Variants in HS6ST3 observed in about 807,000 individuals in gnomAD.
The protein encoded by HS6ST3 is heparan-sulfate 6-O-sulfotransferase 3.
Under a neutral mutation model 36.7 loss-of-function variants are expected in HS6ST3, and 12 were observed. The ratio of observed to expected loss-of-function variants is 0.33; its 90% CI spans 0.21 to 0.53. HS6ST3 has a LOEUF of 0.53. Among genes scored for constraint, HS6ST3 ranks in the 20% least tolerant of loss-of-function variants. The probability of loss-of-function intolerance (pLI) is 0.95; values close to 1 mark genes in which losing one functional copy is unlikely to be tolerated. For missense variants in HS6ST3, 584 were observed against 640.9 expected, an observed-to-expected ratio of 0.91 and a Z score of 0.96; for synonymous variants, 240 against 257.5, an observed-to-expected ratio of 0.93 and a Z score of 0.65.
chr13:96,658,276 T>C lies in HS6ST3; in HGVS notation c.708-174214T>C, dbSNP rs1410051063. 7.5e-4 allele frequency among the ~76,000 whole-genome samples: 19 copies of C among 25,320 alleles called. 1 individual carries two copies. The highest frequency in any genetic ancestry group is 3.6e-3 in the East Asian group (5 of 1,386). The allele number at this position is 25,320 out of a possible 152,430, so 16.6% of individuals were successfully genotyped here. On this transcript the variant is annotated intron_variant, in intron 1 of 1. Coordinates refer to ENST00000376705, the MANE Select transcript of HS6ST3 (RefSeq NM_153456.4). ...CTTCTTCTCTTCTTCTTCTTTTTTTTTTTTTTTTTTTTTTTTTTTTTTGAG... is the reference window on the plus strand; with the variant it reads ...CTTCTTCTCTTCTTCTTCTTTTTTTCTTTTTTTTTTTTTTTTTTTTTTGAG...
rs181622212 is a variant in HS6ST3, at chr13:96,252,126, A to G, written c.707+160557A>G. 2.8e-4 allele frequency among the ~76,000 whole-genome samples: 43 copies of G among 152,298 alleles called. No homozygotes were observed. In the East Asian group the frequency reaches 7.3e-3, roughly 26 times the overall value. Reference sequence around the variant, plus strand: ...TAATTTTGTGTCTGGAAAGTGGACTATTGAGGTCTCCTACTATGATTGTAT... The same window carrying G: ...TAATTTTGTGTCTGGAAAGTGGACTGTTGAGGTCTCCTACTATGATTGTAT... On this transcript the variant is annotated intron_variant, in intron 1 of 1. Coordinates refer to ENST00000376705, the MANE Select transcript of HS6ST3 (RefSeq NM_153456.4).
intron 1 of HS6ST3, among the ~76,000 whole-genome samples, chr13:96,647,425 G>A (rs553699559): frequency 6.6e-6 from 1 of 152,084 alleles, no homozygotes; most frequent in East Asian, 1.9e-4. Flanking sequence ...AAAGCAAATT[G>A]TCTAGATGCA....
At chr13:96,687,842 A>G (rs1258330761) in intron 1 of HS6ST3, among the ~76,000 whole-genome samples, 1 of 152,040 alleles carries the variant, frequency 6.6e-6, no homozygotes, top group Non-Finnish European at 1.5e-5. Context: ...CTCACTAAAC[A>G]CTGGCTAAAA....
chr13:96,373,155 C>T (rs2055298206), intron 1 of HS6ST3, among the ~76,000 whole-genome samples: 2 of 152,148 alleles, frequency 1.3e-5, no homozygotes, highest in Admixed American at 6.5e-5. Context: ...TATAAGGACA[C>T]TTGTCATGGG....
chr13:96,501,992 A>T (rs1454476725), intron 1 of HS6ST3, among the ~76,000 whole-genome samples: 1 of 152,198 alleles, frequency 6.6e-6, no homozygotes, highest in African/African-American at 2.4e-5. Flanking sequence ...CTCTCTTTAG[A>T]CCTATAGCCA....
intron 1 of HS6ST3, among the ~76,000 whole-genome samples, chr13:96,533,179 G>A (rs906431540): frequency 2.0e-5 from 3 of 152,182 alleles, no homozygotes; most frequent in East Asian, 1.9e-4. Context: ...TGGGAGCCAA[G>A]CGAAGAGAAA....
chr13:96,726,471 T>C (rs1876008941), intron 1 of HS6ST3, among the ~76,000 whole-genome samples: 1 of 152,226 alleles, frequency 6.6e-6, no homozygotes, highest in African/African-American at 2.4e-5. Flanking sequence ...ATTTTTGATA[T>C]TGTAAATTAG....
intron 1 of HS6ST3, among the ~76,000 whole-genome samples, chr13:96,233,877 G>T (rs961457336): frequency 6.6e-6 from 1 of 152,108 alleles, no homozygotes; most frequent in African/African-American, 2.4e-5. Context: ...GGGATTTAGT[G>T]TTAAGGATCA....
chr13:96,627,398 AT>A (rs1385624927), intron 1 of HS6ST3, among the ~76,000 whole-genome samples: 7 of 152,102 alleles, frequency 4.6e-5, no homozygotes, highest in Middle Eastern at 3.4e-3. Context: ...CGTCTTTTTA[AT>A]ACCATGATAG....
At chr13:96,705,471 C>T (rs1330944521) in intron 1 of HS6ST3, among the ~76,000 whole-genome samples, 1 of 152,114 alleles carries the variant, frequency 6.6e-6, no homozygotes, top group Admixed American at 6.5e-5. Context: ...CCTGGGAGCA[C>T]TGGAAATCAG....
intron 1 of HS6ST3, among the ~76,000 whole-genome samples, chr13:96,756,409 A>G (rs189517454): frequency 6.6e-6 from 1 of 152,286 alleles, no homozygotes; most frequent in Admixed American, 6.5e-5. Flanking sequence ...TCTCTTGAAT[A>G]TGATCTAAGA....
At chr13:96,830,320 C>T (rs1167119901) in intron 1 of HS6ST3, among the ~76,000 whole-genome samples, 1 of 152,116 alleles carries the variant, frequency 6.6e-6, no homozygotes, top group East Asian at 1.9e-4. Flanking sequence ...TAGTCAGGCA[C>T]ACCACCATTT....
intron 1 of HS6ST3, among the ~76,000 whole-genome samples, chr13:96,370,795 G>C (rs910000315): frequency 4.6e-5 from 7 of 152,168 alleles, no homozygotes; most frequent in African/African-American, 1.7e-4. Context: ...TACTCGGGAG[G>C]CTGGGGCAGG....
intron 1 of HS6ST3, among the ~76,000 whole-genome samples, chr13:96,485,409 C>G (rs918672371): frequency 6.6e-6 from 1 of 152,008 alleles, no homozygotes; most frequent in African/African-American, 2.4e-5. Flanking sequence ...GTTAGGGAAG[C>G]AACTGACTAT....
chr13:96,096,967 A>G (rs2053794224), intron 1 of HS6ST3, among the ~76,000 whole-genome samples: 1 of 152,192 alleles, frequency 6.6e-6, no homozygotes, highest in Non-Finnish European at 1.5e-5. Flanking sequence ...AACTAAAGAG[A>G]TATGAGATTG....
intron 1 of HS6ST3, among the ~76,000 whole-genome samples, chr13:96,425,787 C>A (rs571848650): frequency 6.6e-5 from 10 of 152,056 alleles, no homozygotes; most frequent in African/African-American, 2.2e-4. Flanking sequence ...AGGCCAATTA[C>A]CAGAATGATT....
intron 1 of HS6ST3, among the ~76,000 whole-genome samples, chr13:96,565,316 G>A (rs1056943508): frequency 2.0e-5 from 3 of 152,028 alleles, no homozygotes; most frequent in Non-Finnish European, 4.4e-5. Context: ...GGATACTAAT[G>A]AGGAGTGATC....
At chr13:96,365,964 A>G (rs937756530) in intron 1 of HS6ST3, among the ~76,000 whole-genome samples, 1 of 152,188 alleles carries the variant, frequency 6.6e-6, no homozygotes, top group Non-Finnish European at 1.5e-5. Flanking sequence ...TTGTTGTCAT[A>G]TTAAATGACA....
At chr13:96,572,711 C>T (rs2056305227) in intron 1 of HS6ST3, among the ~76,000 whole-genome samples, 1 of 151,632 alleles carries the variant, frequency 6.6e-6, no homozygotes, top group African/African-American at 2.4e-5. Context: ...ATGCTTGAAA[C>T]AACTTTTAAC....
Sources: gnomAD v4.1 joint callset for allele counts (sites outside exome capture counted in the v4.1 genomes callset) on GRCh38, gnomAD v4.1.1 for gene constraint, MANE v1.5 for transcripts, NCBI Gene and HGNC (gene_info 2026-07-23, HGNC 2026-07-21) for gene names.